Variants in MAGI1 observed in about 807,000 individuals in gnomAD.
MAGI1 encodes membrane associated guanylate kinase, WW and PDZ domain containing 1.
Under a neutral mutation model 139.9 loss-of-function variants are expected in MAGI1, and 58 were observed. The ratio of observed to expected loss-of-function variants is 0.41; its 90% CI spans 0.34 to 0.52. MAGI1 has a LOEUF of 0.52. MAGI1 is among the 20% of genes least tolerant of loss of function. The pLI, the probability that MAGI1 is intolerant of heterozygous loss-of-function variation, is 0.12. For missense variants in MAGI1, 1,874 were observed against 1,901.6 expected, an observed-to-expected ratio of 0.99 and a Z score of 0.27; for synonymous variants, 812 against 737.9, an observed-to-expected ratio of 1.10 and a Z score of -1.63.
intron 2 of MAGI1, among the ~76,000 whole-genome samples, chr3:65,585,283 G>A (rs572538588): frequency 3.3e-5 from 5 of 152,316 alleles, no homozygotes; most frequent in African/African-American, 1.2e-4. Context: ...ATGGTGAGCA[G>A]GACTGACTGA....
chr3:65,435,458 A>T (rs200081038), intron 10 of MAGI1, among the ~76,000 whole-genome samples: 1 of 136,060 alleles, frequency 7.3e-6, no homozygotes, highest in East Asian at 2.3e-4. Flanking sequence ...TGGCTATTCT[A>T]TATGTATATG....
chr3:65,618,151 A>G (rs1239954822), intron 2 of MAGI1, among the ~76,000 whole-genome samples: 2 of 152,214 alleles, frequency 1.3e-5, no homozygotes, highest in Non-Finnish European at 2.9e-5. Context: ...GTACTCATTT[A>G]TAAGAAGACA....
intron 1 of MAGI1, among the ~76,000 whole-genome samples, chr3:65,743,006 C>T (rs1328559711): frequency 6.6e-6 from 1 of 151,938 alleles, no homozygotes; most frequent in Non-Finnish European, 1.5e-5. Flanking sequence ...GTTAAATAAA[C>T]TTCATTCTAT....
At chr3:65,531,975 A>T (rs1029592885) in intron 2 of MAGI1, among the ~76,000 whole-genome samples, 8 of 152,070 alleles carry the variant, frequency 5.3e-5, no homozygotes, top group Non-Finnish European at 8.8e-5. Flanking sequence ...ATGTATTCTA[A>T]ACCTGACCAC....
chr3:66,037,981 CG>C lies in MAGI1; in HGVS notation c.313+14del. 1 of 1,532,732 alleles carries C rather than the reference CG, an allele frequency of 6.5e-7. No individual in the cohort carries two copies. The highest frequency in any genetic ancestry group is 8.8e-7 in the Non-Finnish European group (1 of 1,140,424). 94.9% of individuals were successfully genotyped at this position (1,532,732 alleles called of 1,614,324 possible). A position where few individuals can be genotyped will look rare whatever the true frequency, so the allele number is the denominator to read the frequency against. ...CTTTTCTCGGGGCGCCCCCCAAAGG[CG>C]CGCCCTGCCTTACCTTGTCTGACGG... On this transcript the variant is annotated intron_variant, in intron 1 of 22. Coordinates refer to ENST00000402939, the MANE Select transcript of MAGI1 (RefSeq NM_001033057.2).
intron 1 of MAGI1, among the ~76,000 whole-genome samples, chr3:65,674,566 T>C (rs568071801): frequency 5.9e-5 from 9 of 152,284 alleles, no homozygotes; most frequent in Non-Finnish European, 7.4e-5. Flanking sequence ...CTAGCAGCAG[T>C]TAATTCCAAG....
chr3:65,761,619 A>T (rs1014585025), intron 1 of MAGI1, among the ~76,000 whole-genome samples: 5 of 152,156 alleles, frequency 3.3e-5, no homozygotes, highest in African/African-American at 9.7e-5. Flanking sequence ...CCAGCCACAA[A>T]CCAAATGCAC....
At position 65,354,177 on chromosome 3, in the gene MAGI1, G is replaced by T. The variant is rs1399372640; in HGVS notation, c.*2201C>A. 1 of 152,412 alleles carries T rather than the reference G, an allele frequency of 6.6e-6. No homozygotes were observed. Among genetic ancestry groups the T allele is most frequent in the Admixed American group, 6.5e-5 (1 of 15,282 alleles). 9.4% of individuals were successfully genotyped at this position (152,412 alleles called of 1,614,324 possible). On this transcript the variant is annotated 3_prime_UTR_variant, in exon 23 of 23. Coordinates refer to ENST00000402939, the MANE Select transcript of MAGI1 (RefSeq NM_001033057.2). ...AATAAAATCTCCAAGTCAGCTCTTAGGAACTTGATGAAAAAGAACATCATT... is the reference window on the plus strand; with the variant it reads ...AATAAAATCTCCAAGTCAGCTCTTATGAACTTGATGAAAAAGAACATCATT...
intron 1 of MAGI1, among the ~76,000 whole-genome samples, chr3:65,978,032 T>C (rs1215655816): frequency 6.6e-6 from 1 of 152,194 alleles, no homozygotes; most frequent in Non-Finnish European, 1.5e-5. Flanking sequence ...AAACTAGCTG[T>C]TATTTTTTTC....
At chr3:65,958,775 C>T (rs182596784) in intron 1 of MAGI1, among the ~76,000 whole-genome samples, 9 of 152,180 alleles carry the variant, frequency 5.9e-5, no homozygotes, top group African/African-American at 1.2e-4. Flanking sequence ...TCACTTGAGG[C>T]CAAGAGTTCG....
At chr3:65,440,792 C>G (rs1226622452) in intron 8 of MAGI1, among the ~76,000 whole-genome samples, 1 of 150,796 alleles carries the variant, frequency 6.6e-6, no homozygotes, top group Non-Finnish European at 1.5e-5. Flanking sequence ...TATATATATA[C>G]ACATATATAT....
intron 1 of MAGI1, among the ~76,000 whole-genome samples, chr3:65,776,378 T>C (rs1410327477): frequency 6.6e-6 from 1 of 151,930 alleles, no homozygotes; most frequent in Non-Finnish European, 1.5e-5. Flanking sequence ...GAATGGAAGA[T>C]ATATTTCCAA....
intron 2 of MAGI1, among the ~76,000 whole-genome samples, chr3:65,588,336 G>T (rs982282899): frequency 6.6e-6 from 1 of 152,104 alleles, no homozygotes; most frequent in African/African-American, 2.4e-5. Context: ...CCCCATTAAG[G>T]TGGAGCGTTT....
At chr3:65,768,267 A>C (rs1159187741) in intron 1 of MAGI1, among the ~76,000 whole-genome samples, 2 of 152,122 alleles carry the variant, frequency 1.3e-5, no homozygotes, top group African/African-American at 4.8e-5. Context: ...TAAAAATACA[A>C]AAATTAGCCA....
intron 1 of MAGI1, among the ~76,000 whole-genome samples, chr3:65,929,444 G>A (rs992652668): frequency 1.3e-5 from 2 of 151,724 alleles, no homozygotes; most frequent in African/African-American, 2.4e-5. Flanking sequence ...AGGTTCAAGC[G>A]ATTCTCCTGC....
chr3:65,700,915 A>G (rs976302532), intron 1 of MAGI1, among the ~76,000 whole-genome samples: 39 of 152,232 alleles, frequency 2.6e-4, no homozygotes, highest in Admixed American at 2.2e-3. Context: ...GGTCACCAAC[A>G]TACTCCTTAC....
At chr3:65,903,520 A>G (rs935728656) in intron 1 of MAGI1, among the ~76,000 whole-genome samples, 1 of 152,158 alleles carries the variant, frequency 6.6e-6, no homozygotes, top group African/African-American at 2.4e-5. Context: ...GTTCTTATCA[A>G]ATGTAATGCA....
intron 1 of MAGI1, among the ~76,000 whole-genome samples, chr3:65,987,764 T>TC (rs929001771): frequency 6.6e-6 from 1 of 152,102 alleles, no homozygotes; most frequent in Non-Finnish European, 1.5e-5. Context: ...GGATGGGGTT[T>TC]CCCCACATTG....
At chr3:65,802,627 C>G (rs553173645) in intron 1 of MAGI1, among the ~76,000 whole-genome samples, 55 of 152,330 alleles carry the variant, frequency 3.6e-4, no homozygotes, top group African/African-American at 1.3e-3. Flanking sequence ...TAGCAACACT[C>G]AGGCAAGTAC....
Sources: gnomAD v4.1 joint callset for allele counts (sites outside exome capture counted in the v4.1 genomes callset) on GRCh38, gnomAD v4.1.1 for gene constraint, MANE v1.5 for transcripts, NCBI Gene and HGNC (gene_info 2026-07-23, HGNC 2026-07-21) for gene names.